ESRRG: variants seen among roughly 807,000 people sequenced by gnomAD.
ESRRG encodes the protein estrogen related receptor gamma.
In ESRRG, 13 loss-of-function variants were observed where a neutral mutation model predicts 44.0. The ratio of observed to expected loss-of-function variants is 0.30; its 90% CI spans 0.19 to 0.47. ESRRG has a LOEUF of 0.47. Ranked by LOEUF, ESRRG falls within the 20% of genes least tolerant of loss-of-function variation. The pLI is 1.00. For synonymous variants in ESRRG, 215 were observed against 214.6 expected, an observed-to-expected ratio of 1.00 and a Z score of -0.02; for missense variants, 395 against 580.6, an observed-to-expected ratio of 0.68 and a Z score of 3.29.
chr1:216,933,966 C>T (rs542200462), intron 2 of ESRRG, among the ~76,000 whole-genome samples: 11 of 152,244 alleles, frequency 7.2e-5, no homozygotes, highest in African/African-American at 1.4e-4. Flanking sequence ...CCCACTGGCC[C>T]GTTCCTTGCC....
At chr1:216,514,207 G>T (rs993799565) in intron 6 of ESRRG, among the ~76,000 whole-genome samples, 3 of 152,002 alleles carry the variant, frequency 2.0e-5, no homozygotes, top group Non-Finnish European at 4.4e-5. Flanking sequence ...AAATTTAAGG[G>T]TTGTATTAAA....
intron 1 of ESRRG, among the ~76,000 whole-genome samples, chr1:217,059,539 G>C (rs1437119331): frequency 6.6e-6 from 1 of 152,074 alleles, no homozygotes; most frequent in Non-Finnish European, 1.5e-5. Context: ...CTCCATGGCA[G>C]GAGAGCTATC....
At chr1:216,982,386 A>G (rs2074112437) in intron 1 of ESRRG, among the ~76,000 whole-genome samples, 1 of 152,168 alleles carries the variant, frequency 6.6e-6, no homozygotes, top group Non-Finnish European at 1.5e-5. Flanking sequence ...TGAGCAAGAG[A>G]TCTGAGCACT....
intron 1 of ESRRG, among the ~76,000 whole-genome samples, chr1:217,076,304 C>A (rs539535651): frequency 1.6e-3 from 237 of 152,236 alleles, no homozygotes; most frequent in African/African-American, 5.4e-3. Context: ...TCCAAATGTC[C>A]CCTTTCCCCC....
chr1:216,913,080 C>A (rs1158096284), intron 2 of ESRRG, among the ~76,000 whole-genome samples: 3 of 133,244 alleles, frequency 2.3e-5, no homozygotes, highest in Non-Finnish European at 4.6e-5. Flanking sequence ...ACCGAGATCG[C>A]ACTACTGCAC....
intron 2 of ESRRG, among the ~76,000 whole-genome samples, chr1:216,735,038 A>G (rs1463901941): frequency 6.7e-6 from 1 of 149,512 alleles, no homozygotes; most frequent in African/African-American, 2.5e-5. Context: ...CCTCCCAAGT[A>G]GCTGGGATTA....
At chr1:216,933,112 A>G (rs1298896581) in intron 2 of ESRRG, among the ~76,000 whole-genome samples, 1 of 152,120 alleles carries the variant, frequency 6.6e-6, no homozygotes, top group Non-Finnish European at 1.5e-5. Flanking sequence ...TGTTTCCAGG[A>G]TTAAATGATT....
At chr1:216,541,394 G>T (rs560917800) in intron 5 of ESRRG, among the ~76,000 whole-genome samples, 2 of 151,996 alleles carry the variant, frequency 1.3e-5, no homozygotes, top group South Asian at 2.1e-4. Flanking sequence ...AAATTCAATA[G>T]GATCACAGAA....
chr1:217,095,203 T>A (rs1413170574), intron 1 of ESRRG, among the ~76,000 whole-genome samples: 1 of 152,230 alleles, frequency 6.6e-6, no homozygotes, highest in Non-Finnish European at 1.5e-5. Flanking sequence ...AATGTCATGA[T>A]GGCCACAACA....
intron 3 of ESRRG, among the ~76,000 whole-genome samples, chr1:216,569,160 G>GGGAAA (rs2060267256): frequency 2.3e-5 from 1 of 43,244 alleles, no homozygotes; most frequent in Non-Finnish European, 6.5e-5. Flanking sequence ...TGGAAGAGGA[G>GGGAAA]GGAAGGGAAG....
At chr1:216,587,990 A>G (rs969685582) in intron 3 of ESRRG, among the ~76,000 whole-genome samples, 2 of 152,200 alleles carry the variant, frequency 1.3e-5, no homozygotes, top group African/African-American at 4.8e-5. Flanking sequence ...GTAAGATCCT[A>G]TTTTAGCAGC....
chr1:216,529,942 T>C (rs2048794403), intron 5 of ESRRG, among the ~76,000 whole-genome samples: 1 of 151,626 alleles, frequency 6.6e-6, no homozygotes, highest in Non-Finnish European at 1.5e-5. Context: ...TGAAACCCCA[T>C]CTCTACTAAA....
chr1:217,094,575 T>C (rs754035358), upstream of ESRRG, among the ~76,000 whole-genome samples: 6 of 152,242 alleles, frequency 3.9e-5, no homozygotes, highest in Non-Finnish European at 7.3e-5. Context: ...ACTCTACCAA[T>C]ACAACAAAAT....
chr1:216,994,381 T>C (rs2076101456), intron 1 of ESRRG, among the ~76,000 whole-genome samples: 1 of 152,172 alleles, frequency 6.6e-6, no homozygotes. Context: ...CTCCCAGTGA[T>C]GGGGCACCCG....
At chr1:216,578,457 CTCTCTGTTTA>C (rs1260520501) in intron 3 of ESRRG, among the ~76,000 whole-genome samples, 2 of 152,048 alleles carry the variant, frequency 1.3e-5, no homozygotes, top group Admixed American at 6.6e-5. Flanking sequence ...AAGCCACAGT[CTCTCTGTTTA>C]TCCAATAGAG....
At chr1:216,566,643 T>G in intron 4 of ESRRG, among the ~76,000 whole-genome samples, 1 of 152,214 alleles carries the variant, frequency 6.6e-6, no homozygotes, top group African/African-American at 2.4e-5. Flanking sequence ...ACTAAACCTC[T>G]AATGAAATTA....
chr1:217,126,253 T>A (rs1214222496), intron 1 of ESRRG, among the ~76,000 whole-genome samples: 1 of 152,070 alleles, frequency 6.6e-6, no homozygotes, highest in African/African-American at 2.4e-5. Flanking sequence ...CGTAGCACCA[T>A]GTAGGAAAAA....
intron 1 of ESRRG, among the ~76,000 whole-genome samples, chr1:217,066,658 G>A (rs1166346): frequency 0.38 from 58,261 of 151,980 alleles, 11,769 homozygotes; most frequent in East Asian, 0.69. Flanking sequence ...AGGGCTTCTC[G>A]GCCTAGGCAC....
intron 1 of ESRRG, among the ~76,000 whole-genome samples, chr1:216,958,442 G>A (rs4846797): frequency 0.14 from 20,858 of 152,082 alleles, 1,921 homozygotes; most frequent in Admixed American, 0.2. Context: ...CAGTGGGTTC[G>A]TGTTGATATT....
Sources: gnomAD v4.1 joint callset for allele counts (sites outside exome capture counted in the v4.1 genomes callset) on GRCh38, gnomAD v4.1.1 for gene constraint, MANE v1.5 for transcripts, NCBI Gene and HGNC (gene_info 2026-07-23, HGNC 2026-07-21) for gene names.